The following GPSM2 variants were observed in gnomAD, a reference collection of about 807,000 sequenced individuals.
The protein encoded by GPSM2 is G protein signaling modulator 2.
A neutral mutation model predicts 78.4 loss-of-function variants in GPSM2; 58 were observed. The ratio of observed to expected loss-of-function variants is 0.74; its 90% confidence interval spans 0.60 to 0.92. The LOEUF (loss-of-function observed/expected upper bound fraction) is 0.92. GPSM2 is among the 40% of genes least tolerant of loss of function. The probability of loss-of-function intolerance (pLI) is 0.00; values close to 1 mark genes in which losing one functional copy is unlikely to be tolerated. For missense variants in GPSM2, 700 were observed against 815.5 expected (o/e 0.86, Z 1.73); for synonymous variants, 224 against 280.2 (o/e 0.80, Z 2.00).
intron 10 of GPSM2, among the ~76,000 whole-genome samples, chr1:108,911,626 G>A (rs886889876): frequency 1.2e-4 from 18 of 152,070 alleles, no homozygotes; most frequent in Non-Finnish European, 1.6e-4. Flanking sequence ...AATTCACCAG[G>A]AAGATGAATG....
At chr1:108,891,872 C>T (rs192800334) in intron 2 of GPSM2, among the ~76,000 whole-genome samples, 1 of 152,084 alleles carries the variant, frequency 6.6e-6, no homozygotes, top group African/African-American at 2.4e-5. Context: ...AATTACCATA[C>T]AAATTTTTGT....
In GPSM2 at chr1:108,924,009, T is replaced by C. The variant is rs776358003; in HGVS notation, c.1610T>C (p.Val537Ala). 1 of 1,604,884 alleles carries C rather than the reference T, an allele frequency of 6.2e-7. No individual in the cohort carries two copies. Among genetic ancestry groups the C allele is most frequent in the Non-Finnish European group, 8.5e-7 (1 of 1,171,580 alleles). ...CTTCTTCTGTTCTTAGCATCATCTG[T>C]TCCTGTGGTATCCCCCAACACGGAT... ...PPKMMLKTSS[V>A]PVVSPNTDEF... is the part of the protein sequence containing the mutation. The change falls in exon 14 of 15, where the codon GTT becomes GCT. Residue 537 changes from valine (V) to alanine (A), a missense_variant. Physicochemically the swap from Val to Ala is moderately conservative, Grantham distance 64. Transcript: ENST00000264126.
At chr1:108,894,722 C>T (rs888445485) in intron 2 of GPSM2, among the ~76,000 whole-genome samples, 2 of 151,618 alleles carry the variant, frequency 1.3e-5, no homozygotes, top group African/African-American at 4.9e-5. Flanking sequence ...GATGAGCAAG[C>T]AGTAGCCATT....
At position 108,932,412 on chromosome 1, in the gene GPSM2, TAA is replaced by T. The variant is rs1652150536; in HGVS notation, c.*2473_*2474del. ...GATGTGTTCAATTTGCTTTCATATT[TAA>T]GTCTTTCCTGAATTGCTGTCATCAT... On this transcript the variant is annotated 3_prime_UTR_variant, in exon 15 of 15. Transcript: ENST00000264126. 6.6e-6 allele frequency: 1 copy of T among 152,204 alleles called. No homozygotes were observed. Among genetic ancestry groups the T allele is most frequent in the Non-Finnish European group, 1.5e-5 (1 of 68,040 alleles). 9.4% of individuals were successfully genotyped at this position (152,204 alleles called of 1,614,324 possible). A position where few individuals can be genotyped will look rare whatever the true frequency, so the allele number is the denominator to read the frequency against.
intron 10 of GPSM2, among the ~76,000 whole-genome samples, chr1:108,910,660 C>T (rs1255172163): frequency 6.6e-6 from 1 of 151,938 alleles, no homozygotes. Context: ...GTCAGGAGTT[C>T]GAGACCAGCC....
At chr1:108,912,163 C>T (rs1364206001) in intron 10 of GPSM2, among the ~76,000 whole-genome samples, 4 of 152,056 alleles carry the variant, frequency 2.6e-5, no homozygotes, top group Non-Finnish European at 5.9e-5. Context: ...ATTAAGTGCA[C>T]TGCCAAACAC....
At chr1:108,891,640 G>A (rs913563911) in intron 2 of GPSM2, among the ~76,000 whole-genome samples, 2 of 150,844 alleles carry the variant, frequency 1.3e-5, no homozygotes, top group African/African-American at 4.9e-5. Flanking sequence ...GACTACTACA[G>A]GTGCATGCCA....
chr1:108,886,863 AGT>A (rs755523987), intron 2 of GPSM2, among the ~76,000 whole-genome samples: 7 of 149,668 alleles, frequency 4.7e-5, no homozygotes, highest in African/African-American at 7.4e-5. Context: ...AAATCTGAAG[AGT>A]GTGTGTGTGT....
At chr1:108,896,733 A>G (rs1293951506) in intron 2 of GPSM2, 131 bp from the exon 3 acceptor site, 1 of 771,106 alleles carries the variant, frequency 1.3e-6, no homozygotes, top group African/African-American at 1.7e-5. Context: ...TCAGGAATGT[A>G]TATAAACTTC....
chr1:108,890,931 T>C (rs909203089), intron 2 of GPSM2, among the ~76,000 whole-genome samples: 1 of 152,230 alleles, frequency 6.6e-6, no homozygotes, highest in African/African-American at 2.4e-5. Context: ...TTTTTATGTG[T>C]GATAATGGTA....
In GPSM2 at chr1:108,933,534, T is replaced by C. The variant is rs972977144; in HGVS notation, c.*3594T>C. On this transcript the variant is annotated 3_prime_UTR_variant, in exon 15 of 15. Coordinates refer to ENST00000264126, the MANE Select transcript of GPSM2 (RefSeq NM_013296.5). Reference sequence around the variant, plus strand: ...CATATTAAAATAAAAAAGCAAGTGCTTGGGATACAAATATCTGCATGAAAA... The same window carrying C: ...CATATTAAAATAAAAAAGCAAGTGCCTGGGATACAAATATCTGCATGAAAA... 8 of 152,370 alleles carry C rather than the reference T, an allele frequency of 5.3e-5. No homozygotes were observed. Among genetic ancestry groups the C allele is most frequent in the African/African-American group, 1.4e-4 (6 of 41,588 alleles). The allele number at this position is 152,370 out of a possible 1,614,324, so 9.4% of individuals were successfully genotyped here.
chr1:108,883,380 T>C (rs1438899939), intron 1 of GPSM2, among the ~76,000 whole-genome samples: 2 of 152,244 alleles, frequency 1.3e-5, no homozygotes, highest in African/African-American at 2.4e-5. Context: ...TTAGGCTTTA[T>C]TGTATATGGC....
intron 7 of GPSM2, 140 bp downstream of exon 7, chr1:108,899,134 A>G (rs1648604397): frequency 1.1e-5 from 7 of 652,634 alleles, no homozygotes; most frequent in South Asian, 3.5e-5. Context: ...GAATATATCA[A>G]TACTTCATTT....
chr1:108,929,999 T>G lies in GPSM2; in HGVS notation c.*59T>G. On this transcript the variant is annotated 3_prime_UTR_variant, in exon 15 of 15. Transcript: ENST00000264126. ...CGGTAAGGAAACAATCTATTACTTT[T>G]TTCCTTAAAAGGAGAATTTATAGCA... 1 of 1,508,114 alleles carries G rather than the reference T, an allele frequency of 6.6e-7. No individual in the cohort carries two copies. The highest frequency in any genetic ancestry group is 9.2e-7 in the Non-Finnish European group (1 of 1,091,546). The allele number at this position is 1,508,114 out of a possible 1,614,324, so 93.4% of individuals were successfully genotyped here.
Position 108,903,195 on chromosome 1 carries a change from A to C in GPSM2, c.1023A>C (p.Ala341=). 1.9e-6 allele frequency: 3 copies of C among 1,610,160 alleles called. No individual in the cohort carries two copies. Among genetic ancestry groups the C allele is most frequent in the Middle Eastern group, 1.7e-4 (1 of 6,052 alleles). Residue 341 remains alanine (A), a synonymous_variant, in exon 9 of 15, where the codon GCA becomes GCC. Transcript: ENST00000264126. ...AYTALGNHDQ[A]MHFAEKHLEI... ...CAGCACTAGGAAATCATGATCAAGC[A>C]ATGCATTTTGCTGAAAAGCACTTGG...
chr1:108,908,525 A>T (rs1649436250), intron 10 of GPSM2, among the ~76,000 whole-genome samples: 1 of 150,574 alleles, frequency 6.6e-6, no homozygotes, highest in African/African-American at 2.5e-5. Flanking sequence ...CTACTAAAAA[A>T]TTAGCTGGGC....
rs752300174 is a variant in GPSM2, at chr1:108,929,927, C to T, written c.2042C>T (p.Ser681Leu). The change falls in exon 15 of 15, where the codon TCG becomes TTG. Residue 681 changes from serine to leucine, a missense_variant. Physicochemically the swap from Ser to Leu is moderately radical, Grantham distance 145 (BLOSUM62 -2). Transcript: ENST00000264126. ...GAGTTTAAAAATTCAGGGAAAAAAT[C>T]GGCAGACCATTAGTTACTATGGATT... ...LLEFKNSGKK[S>L]ADH 9 of 1,613,092 alleles carry T rather than the reference C, an allele frequency of 5.6e-6. No individual in the cohort carries two copies. In the African/African-American group the frequency reaches 6.7e-5, roughly 12 times the overall value.
Position 108,929,688 on chromosome 1 carries a change from CAT to C in GPSM2, c.1816-11_1816-10del, listed in dbSNP as rs1651563817. ...CCACAGTATGTCTTTTAATCTCTCT[CAT>C]AAACTTCTAGGGATCCAGATTAGAT... On this transcript the variant is annotated splice_polypyrimidine_tract_variant and intron_variant, in intron 14 of 14. Transcript: ENST00000264126. 1 of 1,611,942 alleles carries C rather than the reference CAT, an allele frequency of 6.2e-7. No homozygotes were observed. The highest frequency in any genetic ancestry group is 1.7e-5 in the Admixed American group (1 of 59,994).
rs1346683100 is a variant in GPSM2, at chr1:108,917,639, T to C, written c.1264-974T>C. ...ATATATATATATATATATATATATA[T>C]ATATATATATATATATATATATATA... is the stretch of plus-strand genomic sequence containing the variant. On this transcript the variant is annotated intron_variant, in intron 11 of 14. Coordinates refer to ENST00000264126, the MANE Select transcript of GPSM2 (RefSeq NM_013296.5). Among the ~76,000 whole-genome samples the C allele has an allele frequency of 2.1e-3, 47 of 22,728 alleles. 2 individuals carry two copies. Among genetic ancestry groups the C allele is most frequent in the South Asian group, 3.0e-3 (2 of 676 alleles). 14.9% of individuals were successfully genotyped at this position (22,728 alleles called of 152,430 possible). A position where few individuals can be genotyped will look rare whatever the true frequency, so the allele number is the denominator to read the frequency against.
Sources: allele counts gnomAD v4.1 joint callset (sites outside exome capture counted in the v4.1 genomes callset), GRCh38; gene constraint gnomAD v4.1.1; transcripts MANE v1.5; gene names NCBI Gene and HGNC (gene_info 2026-07-23, HGNC 2026-07-21).